The following ENOX1 variants were observed in gnomAD, a reference collection of about 807,000 sequenced individuals.
ENOX1 encodes the protein ecto-NOX disulfide-thiol exchanger 1.
ENOX1 carries 42 observed loss-of-function variants against 82.5 expected under a neutral mutation model. The ratio of observed to expected loss-of-function variants is 0.51; its 90% CI spans 0.40 to 0.66. The LOEUF is 0.66. Among genes scored for constraint, ENOX1 ranks in the 30% least tolerant of loss-of-function variants. The pLI, the probability that ENOX1 is intolerant of heterozygous loss-of-function variation, is 0.00. For synonymous variants in ENOX1, 271 were observed against 282.2 expected, an observed-to-expected ratio of 0.96 and a Z score of 0.40; for missense variants, 608 against 811.6, an observed-to-expected ratio of 0.75 and a Z score of 3.05.
chr13:43,223,856 C>A (rs1398037945), intron 16 of ENOX1, among the ~76,000 whole-genome samples, 197 bp downstream of exon 16: 1 of 152,172 alleles, frequency 6.6e-6, no homozygotes, highest in Non-Finnish European at 1.5e-5. Flanking sequence ...GATAACTGCT[C>A]TTCTTTTTAC....
chr13:43,356,608 C>T (rs1350514931), intron 7 of ENOX1, among the ~76,000 whole-genome samples: 1 of 151,972 alleles, frequency 6.6e-6, no homozygotes, highest in East Asian at 1.9e-4. Flanking sequence ...AAATAAAGAG[C>T]ATCTATGATA....
At chr13:43,449,544 T>A (rs968644548) in intron 3 of ENOX1, among the ~76,000 whole-genome samples, 1 of 152,196 alleles carries the variant, frequency 6.6e-6, no homozygotes, top group African/African-American at 2.4e-5. Context: ...AATTAAAAGG[T>A]GTTAAACAAA....
intron 2 of ENOX1, among the ~76,000 whole-genome samples, chr13:43,625,969 C>A (rs2082945598): frequency 6.6e-6 from 1 of 151,760 alleles, no homozygotes; most frequent in African/African-American, 2.4e-5. Context: ...CAAATAGGGC[C>A]TGGATATTTC....
chr13:43,741,655 C>T (rs1361584278), intron 1 of ENOX1, among the ~76,000 whole-genome samples: 1 of 152,198 alleles, frequency 6.6e-6, no homozygotes, highest in Non-Finnish European at 1.5e-5. Flanking sequence ...TTATCAGATA[C>T]ATGATTTGCA....
chr13:43,470,307 C>T lies in ENOX1; in HGVS notation c.-75+13702G>A, dbSNP rs12428155. 1.6e-3 allele frequency among the ~76,000 whole-genome samples: 70 copies of T among 42,448 alleles called. 1 individual carries two copies. The highest frequency in any genetic ancestry group is 3.4e-3 in the Non-Finnish European group (55 of 16,126). The allele number at this position is 42,448 out of a possible 152,430, so 27.8% of individuals were successfully genotyped here. On this transcript the variant is annotated intron_variant, in intron 3 of 16. Coordinates refer to ENST00000690772, the MANE Select transcript of ENOX1 (RefSeq NM_001347969.2). ...ACATATATATATACACATATATATA[C>T]ATATATATACACATATATATATGTA...
chr13:43,265,356 A>G (rs1431351284), intron 14 of ENOX1, 42 bp downstream of exon 14: 1 of 1,568,410 alleles, frequency 6.4e-7, no homozygotes, highest in Admixed American at 1.7e-5. Flanking sequence ...TGTTCAACCA[A>G]CGTCAAGCAA....
chr13:43,735,106 GA>G (rs1321826135), intron 1 of ENOX1, among the ~76,000 whole-genome samples: 13 of 152,018 alleles, frequency 8.6e-5, no homozygotes, highest in Admixed American at 5.9e-4. Flanking sequence ...TTGTAAGAAA[GA>G]AAAAAGAATG....
At chr13:43,512,500 A>C (rs1416810456) in intron 2 of ENOX1, among the ~76,000 whole-genome samples, 1 of 152,186 alleles carries the variant, frequency 6.6e-6, no homozygotes, top group Non-Finnish European at 1.5e-5. Context: ...TAATTGACTG[A>C]AAAACTTGCC....
chr13:43,563,861 CAG>C (rs2079799409), intron 2 of ENOX1, among the ~76,000 whole-genome samples: 1 of 151,844 alleles, frequency 6.6e-6, no homozygotes, highest in Non-Finnish European at 1.5e-5. Context: ...AAAGGTCTCG[CAG>C]TAAAGAAAAG....
At chr13:43,755,829 T>A (rs533567066) in intron 1 of ENOX1, among the ~76,000 whole-genome samples, 31 of 152,354 alleles carry the variant, frequency 2.0e-4, no homozygotes, top group African/African-American at 7.5e-4. Flanking sequence ...CAGTAAAGCA[T>A]TAGAGATAAT....
intron 2 of ENOX1, among the ~76,000 whole-genome samples, chr13:43,622,695 G>C (rs1181251592): frequency 6.6e-6 from 1 of 152,134 alleles, no homozygotes; most frequent in Non-Finnish European, 1.5e-5. Context: ...AGGGTCCTTA[G>C]CTTTGGTGGT....
chr13:43,597,573 G>T (rs2081525730), intron 2 of ENOX1, among the ~76,000 whole-genome samples: 2 of 152,070 alleles, frequency 1.3e-5, no homozygotes, highest in African/African-American at 4.8e-5. Context: ...CTCTCACCTG[G>T]ATTATTACCT....
chr13:43,301,837 A>G (rs1471843666), intron 11 of ENOX1, among the ~76,000 whole-genome samples: 1 of 152,118 alleles, frequency 6.6e-6, no homozygotes. Context: ...TCCTCAGACA[A>G]GGCTGCCTGG....
At chr13:43,383,958 T>C (rs926823384) in intron 5 of ENOX1, among the ~76,000 whole-genome samples, 3 of 152,316 alleles carry the variant, frequency 2.0e-5, no homozygotes, top group Admixed American at 6.5e-5. Flanking sequence ...AGGCTGCCAC[T>C]ACAGGGAGGC....
intron 1 of ENOX1, among the ~76,000 whole-genome samples, chr13:43,748,131 G>A (rs186137746): frequency 5.4e-4 from 82 of 152,188 alleles, no homozygotes; most frequent in African/African-American, 1.7e-3. Context: ...ACCATAACAC[G>A]AGTTTGTTTT....
intron 1 of ENOX1, among the ~76,000 whole-genome samples, chr13:43,672,556 C>T (rs1455288785): frequency 2.0e-5 from 3 of 152,146 alleles, no homozygotes; most frequent in Non-Finnish European, 4.4e-5. Context: ...AGAGGGGCAT[C>T]AGCCACGAAC....
intron 3 of ENOX1, among the ~76,000 whole-genome samples, chr13:43,417,018 G>A (rs774433522): frequency 9.8e-5 from 15 of 152,308 alleles, no homozygotes; most frequent in African/African-American, 1.7e-4. Flanking sequence ...AGACCAGCCC[G>A]GTCAACAGGG....
At chr13:43,235,396 G>T (rs1208750728) in intron 15 of ENOX1, among the ~76,000 whole-genome samples, 1 of 152,132 alleles carries the variant, frequency 6.6e-6, no homozygotes, top group Non-Finnish European at 1.5e-5. Context: ...TCTAGGTCCT[G>T]TTGTACCTGT....
At chr13:43,222,606 T>G (rs2041848991) in intron 16 of ENOX1, among the ~76,000 whole-genome samples, 1 of 152,154 alleles carries the variant, frequency 6.6e-6, no homozygotes, top group South Asian at 2.1e-4. Flanking sequence ...ATGTCAACAG[T>G]ACAAGGGAAG....
Sources: gnomAD v4.1 joint callset for allele counts (sites outside exome capture counted in the v4.1 genomes callset) on GRCh38, gnomAD v4.1.1 for gene constraint, MANE v1.5 for transcripts, NCBI Gene and HGNC (gene_info 2026-07-23, HGNC 2026-07-21) for gene names.